PDE4D: variants seen among roughly 807,000 people sequenced by gnomAD.
PDE4D encodes phosphodiesterase 4D, also known as 3',5'-cyclic-AMP phosphodiesterase 4D.
A neutral mutation model predicts 87.4 loss-of-function variants in PDE4D; 24 were observed. That is an observed-to-expected ratio of 0.27 (90% CI 0.20 to 0.39). PDE4D has a LOEUF of 0.39. Ranked by LOEUF, PDE4D falls within the 10% of genes least tolerant of loss-of-function variation. PDE4D has a pLI of 1.00. For synonymous variants in PDE4D, 384 were observed against 383.2 expected (o/e 1.00, Z -0.02); for missense variants, 714 against 1,041.0 (o/e 0.69, Z 4.32).
At chr5:59,343,902 C>T (rs1779192688) in intron 1 of PDE4D, among the ~76,000 whole-genome samples, 1 of 151,884 alleles carries the variant, frequency 6.6e-6, no homozygotes, top group Non-Finnish European at 1.5e-5. Context: ...CGGCTGCTGC[C>T]CTTCCATGCA....
chr5:59,407,182 C>A (rs1242317843), intron 1 of PDE4D, among the ~76,000 whole-genome samples: 2 of 152,098 alleles, frequency 1.3e-5, no homozygotes, highest in Non-Finnish European at 2.9e-5. Flanking sequence ...GCTTTGTGAG[C>A]AAGTTCTCAT....
At chr5:60,292,305 G>T (rs1369735503) in intron 1 of PDE4D, among the ~76,000 whole-genome samples, 1 of 152,174 alleles carries the variant, frequency 6.6e-6, no homozygotes, top group East Asian at 1.9e-4. Flanking sequence ...GTCTAGGCAT[G>T]GCTAAGTAAA....
chr5:59,285,516 A>C (rs1464599074), intron 1 of PDE4D, among the ~76,000 whole-genome samples: 1 of 151,370 alleles, frequency 6.6e-6, no homozygotes, highest in African/African-American at 2.4e-5. Context: ...GTTATAATTA[A>C]AAAAAAAATT....
rs181836539 is a variant in PDE4D at position 59,252,946 on chromosome 5, C to A, written c.456-36978G>T. ...TTGCTTTCTTTCCTAGGTACCCTTGCTCCCCAGCATAACAACGTGCACACA... is the reference window on the plus strand; with the variant it reads ...TTGCTTTCTTTCCTAGGTACCCTTGATCCCCAGCATAACAACGTGCACACA... On this transcript the variant is annotated intron_variant, in intron 1 of 14. Coordinates refer to ENST00000340635, the MANE Select transcript of PDE4D (RefSeq NM_001104631.2). Among the ~76,000 whole-genome samples, 9 of 152,260 alleles carry A rather than the reference C, an allele frequency of 5.9e-5. No homozygotes were observed. The East Asian group carries it at 1.5e-3, about 26-fold the overall frequency.
chr5:60,324,590 A>G (rs1756608949), intron 1 of PDE4D, among the ~76,000 whole-genome samples: 1 of 152,250 alleles, frequency 6.6e-6, no homozygotes, highest in Non-Finnish European at 1.5e-5. Context: ...GTGAGCAAAG[A>G]TGGTGCCACT....
chr5:59,013,098 C>G (rs2153367091), intron 6 of PDE4D, among the ~76,000 whole-genome samples: 1 of 152,200 alleles, frequency 6.6e-6, no homozygotes, highest in African/African-American at 2.4e-5. Context: ...TCTTTGAAAC[C>G]AATGAGAACA....
At chr5:59,063,886 G>A (rs1333704568) in intron 5 of PDE4D, among the ~76,000 whole-genome samples, 3 of 152,054 alleles carry the variant, frequency 2.0e-5, no homozygotes, top group Non-Finnish European at 4.4e-5. Flanking sequence ...TGGCACTTTG[G>A]TATGAAATTG....
At chr5:59,478,029 T>G (rs1409759007) in intron 1 of PDE4D, among the ~76,000 whole-genome samples, 1 of 151,742 alleles carries the variant, frequency 6.6e-6, no homozygotes, top group Non-Finnish European at 1.5e-5. Context: ...CAACAGATAC[T>G]GCAGACTACT....
intron 1 of PDE4D, chr5:60,430,722 A>C (rs989951322): frequency 3.6e-6 from 1 of 274,848 alleles, no homozygotes; most frequent in Non-Finnish European, 6.7e-6. Flanking sequence ...TGGGTACTTG[A>C]GATTAGGGAG....
At chr5:60,231,231 A>ACACTGT (rs1317530693) in intron 1 of PDE4D, among the ~76,000 whole-genome samples, 1 of 151,976 alleles carries the variant, frequency 6.6e-6, no homozygotes, top group African/African-American at 2.4e-5. Context: ...TTGGTGCACG[A>ACACTGT]CACTGTCCTA....
At chr5:59,865,277 C>T (rs193187784) in intron 1 of PDE4D, among the ~76,000 whole-genome samples, 123 of 152,272 alleles carry the variant, frequency 8.1e-4, no homozygotes, top group South Asian at 7.1e-3. Flanking sequence ...TGGAAGATGT[C>T]TCACCTGTTT....
intron 5 of PDE4D, among the ~76,000 whole-genome samples, chr5:59,142,718 T>C (rs2153456081): frequency 6.6e-6 from 1 of 152,224 alleles, no homozygotes; most frequent in Non-Finnish European, 1.5e-5. Context: ...GGGCGGATCA[T>C]GAGGTTAGGA....
At chr5:60,436,741 T>A (rs2150125322) in intron 1 of PDE4D, among the ~76,000 whole-genome samples, 1 of 152,178 alleles carries the variant, frequency 6.6e-6, no homozygotes, top group South Asian at 2.1e-4. Context: ...CACTGAAGCA[T>A]ACTGAACACT....
At chr5:60,218,492 G>C (rs1194406469) in intron 1 of PDE4D, among the ~76,000 whole-genome samples, 4 of 151,396 alleles carry the variant, frequency 2.6e-5, no homozygotes, top group African/African-American at 9.7e-5. Flanking sequence ...TTTCCTATCT[G>C]TGTATTATAC....
chr5:59,107,373 T>C (rs1771787283), intron 5 of PDE4D, among the ~76,000 whole-genome samples: 2 of 152,200 alleles, frequency 1.3e-5, no homozygotes, highest in Admixed American at 6.5e-5. Flanking sequence ...CATGTCTGGC[T>C]AATTTTTGCA....
chr5:59,690,948 A>T (rs1158490769), intron 1 of PDE4D, among the ~76,000 whole-genome samples: 1 of 152,258 alleles, frequency 6.6e-6, no homozygotes, highest in African/African-American at 2.4e-5. Flanking sequence ...ACATTTATGC[A>T]GCCAACAGAC....
At chr5:59,199,704 A>G (rs1266664294) in intron 2 of PDE4D, among the ~76,000 whole-genome samples, 1 of 152,054 alleles carries the variant, frequency 6.6e-6, no homozygotes, top group African/African-American at 2.4e-5. Flanking sequence ...AGCCTAGACT[A>G]TTTGACAACA....
chr5:59,481,292 C>T (rs1352891339), intron 1 of PDE4D, among the ~76,000 whole-genome samples: 1 of 150,994 alleles, frequency 6.6e-6, no homozygotes, highest in African/African-American at 2.4e-5. Flanking sequence ...CAAATGTTTT[C>T]TGACTTTGCT....
chr5:58,977,083 A>G, intron 12 of PDE4D, 108 bp downstream of exon 12: 1 of 971,568 alleles, frequency 1.0e-6, no homozygotes, highest in Non-Finnish European at 1.5e-6. Flanking sequence ...GGGCCATAAT[A>G]TGTTTTGAAA....
Sources: gnomAD v4.1 joint callset for allele counts (sites outside exome capture counted in the v4.1 genomes callset) on GRCh38, gnomAD v4.1.1 for gene constraint, MANE v1.5 for transcripts, NCBI Gene and HGNC (gene_info 2026-07-23, HGNC 2026-07-21) for gene names.